The following PDE4D variants were observed in gnomAD, a reference collection of about 807,000 sequenced individuals.
PDE4D encodes the protein phosphodiesterase 4D.
A neutral mutation model predicts 87.4 loss-of-function variants in PDE4D; 24 were observed. That is an observed-to-expected ratio of 0.27 (90% CI 0.20 to 0.39). PDE4D has a LOEUF of 0.39. PDE4D is among the 10% of genes least tolerant of loss of function. PDE4D has a pLI of 1.00. For synonymous variants in PDE4D, 384 were observed against 383.2 expected (o/e 1.00, Z -0.02); for missense variants, 714 against 1,041.0 (o/e 0.69, Z 4.32).
chr5:59,413,457 C>CAAAAAAAAAAAAAAAAAAAA (rs34074485), intron 1 of PDE4D, among the ~76,000 whole-genome samples: 41 of 54,410 alleles, frequency 7.5e-4, no homozygotes, highest in African/African-American at 3.2e-3. Context: ...GACTCCATCT[C>CAAAAAAAAAAAAAAAAAAAA]AAAAAAAAAA....
chr5:58,994,410 G>A (rs531576784), intron 6 of PDE4D, among the ~76,000 whole-genome samples: 136 of 152,076 alleles, frequency 8.9e-4, no homozygotes, highest in African/African-American at 3.1e-3. Context: ...ACAACCCGAC[G>A]AGGCCTTTTA....
chr5:58,990,571 A>G (rs973444140), intron 9 of PDE4D, among the ~76,000 whole-genome samples: 1 of 152,176 alleles, frequency 6.6e-6, no homozygotes, highest in Non-Finnish European at 1.5e-5. Context: ...TGGCTATATC[A>G]CATCTTTTTC....
chr5:59,710,043 A>G (rs1753978979), intron 1 of PDE4D, among the ~76,000 whole-genome samples: 1 of 152,124 alleles, frequency 6.6e-6, no homozygotes. Flanking sequence ...TTTCCTTGAG[A>G]GATTCTGATT....
At chr5:59,796,618 C>T (rs1006475203) in intron 1 of PDE4D, among the ~76,000 whole-genome samples, 11 of 152,284 alleles carry the variant, frequency 7.2e-5, no homozygotes, top group African/African-American at 2.2e-4. Context: ...TTACTAATAG[C>T]AGATAATTGC....
intron 1 of PDE4D, among the ~76,000 whole-genome samples, chr5:60,387,601 C>A (rs1762280730): frequency 6.6e-6 from 1 of 152,158 alleles, no homozygotes; most frequent in African/African-American, 2.4e-5. Context: ...GTGCTTTTTC[C>A]CTGGGGACCT....
chr5:60,220,621 C>T (rs1744386930), intron 1 of PDE4D, among the ~76,000 whole-genome samples: 1 of 152,036 alleles, frequency 6.6e-6, no homozygotes, highest in Admixed American at 6.6e-5. Context: ...CTTACAATTC[C>T]ATGAGGTTGA....
chr5:60,444,098 G>T (rs1437668246), intron 1 of PDE4D, among the ~76,000 whole-genome samples: 1 of 152,100 alleles, frequency 6.6e-6, no homozygotes, highest in Admixed American at 6.6e-5. Flanking sequence ...AGGAAATTTA[G>T]AAAAGTATTT....
At chr5:59,603,231 G>A (rs1271170335) in intron 1 of PDE4D, among the ~76,000 whole-genome samples, 1 of 151,904 alleles carries the variant, frequency 6.6e-6, no homozygotes, top group East Asian at 1.9e-4. Flanking sequence ...CAGATTAGGA[G>A]AAAATATTTA....
chr5:58,998,391 T>C (rs1749706163), intron 6 of PDE4D, among the ~76,000 whole-genome samples: 1 of 152,094 alleles, frequency 6.6e-6, no homozygotes. Context: ...TGGCGGATAA[T>C]GAGGGCTTCT....
chr5:59,192,366 G>A (rs1420787192), intron 3 of PDE4D, among the ~76,000 whole-genome samples: 7 of 152,218 alleles, frequency 4.6e-5, no homozygotes, highest in African/African-American at 1.7e-4. Context: ...CAGTGTCTTA[G>A]CAATCTTATG....
intron 5 of PDE4D, among the ~76,000 whole-genome samples, chr5:59,166,793 A>T (rs530627908): frequency 6.6e-6 from 1 of 152,338 alleles, no homozygotes; most frequent in South Asian, 2.1e-4. Context: ...GTGAAGTGTT[A>T]CTATAAACCA....
intron 1 of PDE4D, among the ~76,000 whole-genome samples, chr5:59,730,080 A>T (rs1359639569): frequency 6.6e-6 from 1 of 152,090 alleles, no homozygotes; most frequent in African/African-American, 2.4e-5. Flanking sequence ...TCTAAGAGTC[A>T]ATACTTAGGG....
chr5:59,486,290 T>A (rs182481941), intron 1 of PDE4D, among the ~76,000 whole-genome samples: 8 of 152,304 alleles, frequency 5.3e-5, no homozygotes, highest in African/African-American at 1.7e-4. Context: ...GTCCTCACCA[T>A]CCTGTTGTCT....
intron 1 of PDE4D, among the ~76,000 whole-genome samples, chr5:59,619,282 G>A (rs1830074479): frequency 1.3e-5 from 2 of 152,156 alleles, no homozygotes; most frequent in Non-Finnish European, 2.9e-5. Flanking sequence ...TGGAGGCAAG[G>A]AGGCTCTCTT....
chr5:59,481,607 G>A lies in PDE4D; in HGVS notation c.456-265639C>T, dbSNP rs147436849. On this transcript the variant is annotated intron_variant, in intron 1 of 14. Transcript: ENST00000340635. Reference sequence around the variant, plus strand: ...AAGGAAAGGCTGCTCCAGCGGTAGAGTTTTAAAATCCCGGAACCTGCCTGA... The same window carrying A: ...AAGGAAAGGCTGCTCCAGCGGTAGAATTTTAAAATCCCGGAACCTGCCTGA... Among the ~76,000 whole-genome samples, 359 of 152,190 alleles carry A rather than the reference G, an allele frequency of 2.4e-3. 3 individuals are homozygous for A. The highest frequency in any genetic ancestry group is 7.9e-3 in the African/African-American group (330 of 41,542).
chr5:59,309,279 C>A (rs766819238), intron 1 of PDE4D, among the ~76,000 whole-genome samples: 1 of 152,104 alleles, frequency 6.6e-6, no homozygotes, highest in Non-Finnish European at 1.5e-5. Context: ...AGGCTTCTCA[C>A]CCCATTCAAA....
At chr5:59,492,540 G>A (rs543574001) in intron 1 of PDE4D, among the ~76,000 whole-genome samples, 184 of 152,240 alleles carry the variant, frequency 1.2e-3, no homozygotes, top group African/African-American at 4.3e-3. Context: ...CAAACAGGAG[G>A]CCCAGTGAGA....
At chr5:59,448,487 A>G (rs560634478) in intron 1 of PDE4D, among the ~76,000 whole-genome samples, 1 of 152,336 alleles carries the variant, frequency 6.6e-6, no homozygotes, top group South Asian at 2.1e-4. Context: ...CATTATAACA[A>G]TAATACACTA....
intron 1 of PDE4D, among the ~76,000 whole-genome samples, chr5:59,429,100 C>T (rs1455400674): frequency 6.6e-6 from 1 of 150,518 alleles, no homozygotes; most frequent in Non-Finnish European, 1.5e-5. Context: ...AAGTTGATTA[C>T]TTTAAAGCAG....
Sources: allele counts gnomAD v4.1 joint callset (sites outside exome capture counted in the v4.1 genomes callset), GRCh38; gene constraint gnomAD v4.1.1; transcripts MANE v1.5; gene names NCBI Gene and HGNC (gene_info 2026-07-23, HGNC 2026-07-21).